Variants in ATP2C2 observed in about 807,000 individuals in gnomAD.
ATP2C2 encodes the protein calcium-transporting ATPase type 2C member 2.
A neutral mutation model predicts 110.8 loss-of-function variants in ATP2C2; 171 were observed. That is an observed-to-expected ratio of 1.54 (90% CI 1.36 to 1.75). ATP2C2 has a LOEUF of 1.75. Among genes scored for constraint, ATP2C2 ranks in the 40% most tolerant of loss-of-function variants. The pLI is 0.00. For missense variants in ATP2C2, 1,963 were observed against 1,235.0 expected, an observed-to-expected ratio of 1.59 and a Z score of -8.84; for synonymous variants, 804 against 508.4, an observed-to-expected ratio of 1.58 and a Z score of -7.82.
intron 1 of ATP2C2, among the ~76,000 whole-genome samples, chr16:84,379,971 G>A (rs1250230502): frequency 6.6e-6 from 1 of 152,162 alleles, no homozygotes; most frequent in Non-Finnish European, 1.5e-5. Flanking sequence ...AGACTTCCTG[G>A]AGGAGGTGGC....
At chr16:84,385,882 T>A (rs1367411396) in intron 1 of ATP2C2, among the ~76,000 whole-genome samples, 1 of 152,174 alleles carries the variant, frequency 6.6e-6, no homozygotes, top group Non-Finnish European at 1.5e-5. Flanking sequence ...AGATTACAAT[T>A]CCAAATGAGA....
intron 1 of ATP2C2, among the ~76,000 whole-genome samples, chr16:84,388,579 G>C (rs1158585898): frequency 6.6e-6 from 1 of 152,170 alleles, no homozygotes; most frequent in Non-Finnish European, 1.5e-5. Flanking sequence ...GGATAGAGAA[G>C]CCTTGGAAAG....
At chr16:84,418,038 TAA>T (rs1056376929) in intron 7 of ATP2C2, among the ~76,000 whole-genome samples, 5 of 152,162 alleles carry the variant, frequency 3.3e-5, no homozygotes, top group Non-Finnish European at 7.4e-5. Flanking sequence ...TTCCTGGAGT[TAA>T]AACAGAGGAA....
At chr16:84,428,729 C>T (rs907851224) in intron 11 of ATP2C2, among the ~76,000 whole-genome samples, 1 of 152,100 alleles carries the variant, frequency 6.6e-6, no homozygotes. Flanking sequence ...TAATGAGACA[C>T]ACAAGACATT....
chr16:84,431,489 C>T (rs941517734), intron 11 of ATP2C2, among the ~76,000 whole-genome samples: 1 of 151,944 alleles, frequency 6.6e-6, no homozygotes, highest in Admixed American at 6.6e-5. Flanking sequence ...GAGCAAAACT[C>T]TGTCTCAAGA....
chr16:84,447,707 ATATAT>A (rs1016255995), intron 16 of ATP2C2, among the ~76,000 whole-genome samples: 52 of 141,666 alleles, frequency 3.7e-4, no homozygotes, highest in East Asian at 2.5e-3. Context: ...ATTATGTAAT[ATATAT>A]TATAATTGTA....
intron 15 of ATP2C2, among the ~76,000 whole-genome samples, chr16:84,445,813 C>G (rs1440943874): frequency 6.6e-6 from 1 of 152,212 alleles, no homozygotes; most frequent in Admixed American, 6.5e-5. Context: ...CATTTTCACC[C>G]CCTGTGGGAC....
chr16:84,429,058 T>C (rs1322587423), intron 11 of ATP2C2, among the ~76,000 whole-genome samples: 1 of 152,166 alleles, frequency 6.6e-6, no homozygotes, highest in African/African-American at 2.4e-5. Context: ...AGGGGGTCTA[T>C]TGAATGTAGG....
chr16:84,463,629 C>G lies in ATP2C2; in HGVS notation c.2738C>G (p.Thr913Ser). ...NLGALDLLFL[T>S]GLASSVFILS... ...CCCTTGGCAGATTTGCTGTTTTTAACTGGATTGGCCTCATCCGTCTTCATT... is the reference window on the plus strand; with the variant it reads ...CCCTTGGCAGATTTGCTGTTTTTAAGTGGATTGGCCTCATCCGTCTTCATT... The change falls in exon 27 of 27, where the codon ACT becomes AGT. Residue 913 changes from threonine to serine, a missense_variant. Physicochemically the swap from Thr to Ser is moderately conservative, Grantham distance 58. Coordinates refer to ENST00000262429, the MANE Select transcript of ATP2C2 (RefSeq NM_014861.4). 1.2e-6 allele frequency: 2 copies of G among 1,614,062 alleles called. No homozygotes were observed. Among genetic ancestry groups the G allele is most frequent in the Non-Finnish European group, 1.7e-6 (2 of 1,179,904 alleles).
In ATP2C2 at chr16:84,462,037, A is replaced by C. The variant is rs1380690096; in HGVS notation, c.2630A>C (p.Tyr877Ser). 18 of 1,613,656 alleles carry C rather than the reference A, an allele frequency of 1.1e-5. No individual in the cohort carries two copies. Among genetic ancestry groups the C allele is most frequent in the Non-Finnish European group, 1.5e-5 (18 of 1,179,916 alleles). ...TTTCTCAGGAACCACATGTTCCTCT[A>C]CTCCGTCCTGGGGTCCATCCTGGGG... The part of the protein sequence containing the change: ...IGFLRNHMFL[Y>S]SVLGSILGQL... Residue 877 changes from tyrosine (Y) to serine (S), a missense_variant, in exon 26 of 27, where the codon TAC (tyrosine) becomes TCC (serine). Coordinates refer to ENST00000262429, the MANE Select transcript of ATP2C2 (RefSeq NM_014861.4).
Position 84,379,185 on chromosome 16 carries a change from G to A in ATP2C2, c.99+10471G>A, listed in dbSNP as rs144034202. ...CTCTCCTACCCTCCCCTCTCCTGTC[G>A]TTTCCTTTCCTTTCCTGATAGGGTC... On this transcript the variant is annotated intron_variant, in intron 1 of 26. Coordinates refer to ENST00000262429, the MANE Select transcript of ATP2C2 (RefSeq NM_014861.4). Among the ~76,000 whole-genome samples, 498 of 132,960 alleles carry A rather than the reference G, an allele frequency of 3.7e-3. 6 individuals are homozygous for A. The highest frequency in any genetic ancestry group is 0.014 in the African/African-American group (482 of 34,360). The allele number at this position is 132,960 out of a possible 152,430, so 87.2% of individuals were successfully genotyped here. A position where few individuals can be genotyped will look rare whatever the true frequency, so the allele number is the denominator to read the frequency against.
intron 16 of ATP2C2, 23 bp from the exon 17 acceptor site, chr16:84,448,510 T>G (rs1179239502): frequency 6.3e-7 from 1 of 1,597,112 alleles, no homozygotes; most frequent in Non-Finnish European, 8.6e-7. Flanking sequence ...GATAGTGGAT[T>G]TCTTCCCTTT....
At chr16:84,422,325 T>G in intron 7 of ATP2C2, 65 bp from the exon 8 acceptor site, 1 of 1,545,958 alleles carries the variant, frequency 6.5e-7, no homozygotes, top group Admixed American at 1.8e-5. Context: ...TACCATTTTG[T>G]GCTTTTAACA....
chr16:84,450,353 A>G (rs2150580485), intron 17 of ATP2C2, among the ~76,000 whole-genome samples: 1 of 150,458 alleles, frequency 6.6e-6, no homozygotes, highest in Non-Finnish European at 1.5e-5. Context: ...CGAGTGACTT[A>G]GAGAGGCCCC....
chr16:84,387,177 G>C (rs1034998153), intron 1 of ATP2C2, among the ~76,000 whole-genome samples: 1 of 152,116 alleles, frequency 6.6e-6, no homozygotes, highest in Non-Finnish European at 1.5e-5. Context: ...TTGGGCACTC[G>C]TATCTCCTGG....
intron 11 of ATP2C2, among the ~76,000 whole-genome samples, chr16:84,435,538 C>G (rs1207407883): frequency 6.6e-6 from 1 of 152,198 alleles, no homozygotes; most frequent in African/African-American, 2.4e-5. Context: ...ATAAAAACAG[C>G]CACCTGGCCA....
chr16:84,446,928 A>G (rs1040913947), intron 16 of ATP2C2, among the ~76,000 whole-genome samples: 2 of 152,090 alleles, frequency 1.3e-5, no homozygotes, highest in Non-Finnish European at 2.9e-5. Flanking sequence ...CTGGGGAGCA[A>G]ATCCTTCAGT....
At chr16:84,428,116 T>C (rs962546917) in intron 11 of ATP2C2, among the ~76,000 whole-genome samples, 2 of 152,192 alleles carry the variant, frequency 1.3e-5, no homozygotes, top group Non-Finnish European at 2.9e-5. Flanking sequence ...TCCTGGTGGA[T>C]TGAGGCATCC....
chr16:84,425,093 C>T (rs1907692188), intron 10 of ATP2C2, among the ~76,000 whole-genome samples: 1 of 152,182 alleles, frequency 6.6e-6, no homozygotes, highest in South Asian at 2.1e-4. Context: ...TACATACACA[C>T]ACACACCCCG....
Sources: gnomAD v4.1 joint callset for allele counts (sites outside exome capture counted in the v4.1 genomes callset) on GRCh38, gnomAD v4.1.1 for gene constraint, MANE v1.5 for transcripts, NCBI Gene and HGNC (gene_info 2026-07-23, HGNC 2026-07-21) for gene names.